The following VPS8 variants were observed in gnomAD, a reference collection of about 807,000 sequenced individuals.
VPS8 encodes the protein vacuolar protein sorting-associated protein 8 homolog.
A neutral mutation model predicts 216.4 loss-of-function variants in VPS8; 129 were observed. That is an observed-to-expected ratio of 0.60 (90% CI 0.52 to 0.69). VPS8 has a LOEUF of 0.69. Ranked by LOEUF, VPS8 falls within the 30% of genes least tolerant of loss-of-function variation. VPS8 has a pLI of 0.00. For synonymous variants in VPS8, 571 were observed against 565.4 expected (o/e 1.01, Z -0.14); for missense variants, 1,531 against 1,683.5 (o/e 0.91, Z 1.59).
intron 21 of VPS8, 194 bp from the exon 22 acceptor site, chr3:184,885,916 C>G: frequency 3.9e-6 from 2 of 518,458 alleles, no homozygotes; most frequent in South Asian, 7.0e-5. Flanking sequence ...GGGTACATTT[C>G]CAGAAATAGA....
chr3:184,815,983 A>G (rs1011339310), intron 1 of VPS8: 1 of 152,198 alleles, frequency 6.6e-6, no homozygotes, highest in Non-Finnish European at 1.5e-5. Flanking sequence ...TTAACTTACA[A>G]GAATTTACCT....
chr3:185,009,822 G>A (rs1427041458), intron 45 of VPS8, among the ~76,000 whole-genome samples: 1 of 152,008 alleles, frequency 6.6e-6, no homozygotes, highest in African/African-American at 2.4e-5. Flanking sequence ...AAGGGGACAG[G>A]GCTCAGAGTC....
chr3:185,025,669 G>A (rs73885642), intron 46 of VPS8, among the ~76,000 whole-genome samples: 6,320 of 152,262 alleles, frequency 0.042, 446 homozygotes, highest in African/African-American at 0.14. Flanking sequence ...ACACTGTAAC[G>A]CAAAGAGCTG....
Position 185,052,106 on chromosome 3 carries a change from G to A in VPS8, c.*81G>A. ...AGAGGCCCCGCCTCTGGTGGGCTTG[G>A]CCTCCACCACCTCCCACGCTTCTGA... On this transcript the variant is annotated 3_prime_UTR_variant, in exon 48 of 48. Coordinates refer to ENST00000625842, the MANE Select transcript of VPS8 (RefSeq NM_001009921.3). The A allele has an allele frequency of 6.9e-7, 1 of 1,458,458 alleles. No individual in the cohort carries two copies. The highest frequency in any genetic ancestry group is 9.1e-7 in the Non-Finnish European group (1 of 1,099,604). The allele number at this position is 1,458,458 out of a possible 1,614,324, so 90.3% of individuals were successfully genotyped here.
chr3:184,884,285 A>G (rs1730805009), intron 21 of VPS8, among the ~76,000 whole-genome samples: 1 of 150,666 alleles, frequency 6.6e-6, no homozygotes, highest in South Asian at 2.1e-4. Context: ...AAGTGTTCTC[A>G]TTGTTCAGTT....
chr3:185,006,547 C>T (rs2132238), intron 45 of VPS8, among the ~76,000 whole-genome samples: 13,584 of 152,234 alleles, frequency 0.089, 647 homozygotes, highest in African/African-American at 0.096. Context: ...ATTGTGTGAA[C>T]CATTCACATT....
chr3:184,923,828 T>C (rs1407345049), intron 29 of VPS8, among the ~76,000 whole-genome samples: 1 of 152,238 alleles, frequency 6.6e-6, no homozygotes, highest in Non-Finnish European at 1.5e-5. Context: ...CTTGTCAGAA[T>C]TTCTGCACGG....
intron 36 of VPS8, among the ~76,000 whole-genome samples, chr3:184,955,832 G>A (rs1361892931): frequency 1.3e-5 from 2 of 151,994 alleles, no homozygotes; most frequent in Admixed American, 1.3e-4. Context: ...GCAATACCAT[G>A]GACTTTACAA....
rs1715549476 is a variant in VPS8, at chr3:184,813,227, A to G, written c.-89+1002A>G. The stretch of plus-strand genomic sequence containing the variant: ...CCCCTCCACTTCTTAGATTCTTGTT[A>G]GAATGAATAGGAAGGCTTCTGGCCT... On this transcript the variant is annotated intron_variant, in intron 1 of 47. Transcript: ENST00000625842. Among the ~76,000 whole-genome samples, 3 of 152,158 alleles carry G rather than the reference A, an allele frequency of 2.0e-5. No individual in the cohort carries two copies. In the South Asian group the frequency reaches 6.2e-4, roughly 31 times the overall value.
intron 1 of VPS8, among the ~76,000 whole-genome samples, chr3:184,814,785 A>AC (rs1478719693): frequency 2.0e-5 from 3 of 152,344 alleles, no homozygotes; most frequent in Non-Finnish European, 4.4e-5. Flanking sequence ...CTTAGGCTAC[A>AC]CTGAATTTAT....
rs1394836199 is a variant in VPS8 at position 184,850,127 on chromosome 3, T to C, written c.753+105T>C. The C allele has an allele frequency of 9.2e-6, 8 of 870,700 alleles. No individual in the cohort carries two copies. In the African/African-American group the frequency reaches 1.2e-4, roughly 13 times the overall value. 53.9% of individuals were successfully genotyped at this position (870,700 alleles called of 1,614,324 possible). A position where few individuals can be genotyped will look rare whatever the true frequency, so the allele number is the denominator to read the frequency against. ...ATGATCAGAGTCCAAAAAATGTATTTAACATGAAGCTGAACATTACCTTAT... is the reference window on the plus strand; with the variant it reads ...ATGATCAGAGTCCAAAAAATGTATTCAACATGAAGCTGAACATTACCTTAT... On this transcript the variant is annotated intron_variant, in intron 10 of 47. Transcript: ENST00000625842.
At chr3:185,039,023 C>T (rs1759278691) in intron 46 of VPS8, among the ~76,000 whole-genome samples, 1 of 152,134 alleles carries the variant, frequency 6.6e-6, no homozygotes, top group African/African-American at 2.4e-5. Context: ...TGAAAAATAC[C>T]AATGTCCTGC....
chr3:184,924,379 C>T (rs192507295), intron 29 of VPS8, among the ~76,000 whole-genome samples: 103 of 152,074 alleles, frequency 6.8e-4, no homozygotes, highest in South Asian at 5.6e-3. Flanking sequence ...TAACCAGGTG[C>T]GGTGGCACAC....
chr3:184,849,719 A>T, intron 9 of VPS8: 2 of 536,524 alleles, frequency 3.7e-6, no homozygotes, highest in Non-Finnish European at 6.5e-6. Context: ...TAAAATCTAA[A>T]GGGAGAAGTA....
At chr3:185,010,143 C>G (rs1367564223) in intron 45 of VPS8, among the ~76,000 whole-genome samples, 1 of 152,118 alleles carries the variant, frequency 6.6e-6, no homozygotes, top group Non-Finnish European at 1.5e-5. Flanking sequence ...AAGTTCTTAG[C>G]CTCAGTAGTG....
chr3:184,870,678 T>C (rs377748628), intron 20 of VPS8, 38 bp from the exon 21 acceptor site: 1 of 1,479,502 alleles, frequency 6.8e-7, no homozygotes, highest in East Asian at 2.4e-5. Context: ...ACTTTAGAGA[T>C]ATATTTTAAT....
chr3:184,843,247 T>A lies in VPS8; in HGVS notation c.541+2T>A. On this transcript the variant is annotated splice_donor_variant, in intron 8 of 47. Transcript: ENST00000625842. LOFTEE classifies it high-confidence loss of function. Reference sequence around the variant, plus strand: ...TCTTCATGGATTCAAAAGGAAAAGGTATAGTAAGTAATTTTAGTTTGCATG... The same window carrying A: ...TCTTCATGGATTCAAAAGGAAAAGGAATAGTAAGTAATTTTAGTTTGCATG... 7.1e-7 allele frequency: 1 copy of A among 1,412,256 alleles called. No homozygotes were observed. Among genetic ancestry groups the A allele is most frequent in the Non-Finnish European group, 9.4e-7 (1 of 1,068,320 alleles). 87.5% of individuals were successfully genotyped at this position (1,412,256 alleles called of 1,614,324 possible).
At chr3:184,867,922 A>G (rs1449531101) in intron 17 of VPS8, 102 bp from the exon 18 acceptor site, 15 of 1,189,138 alleles carry the variant, frequency 1.3e-5, no homozygotes, top group Non-Finnish European at 1.7e-5. Flanking sequence ...GAAATGTTTT[A>G]CTTAAAGGGA....
At chr3:184,858,328 A>G (rs1725663953) in intron 14 of VPS8, among the ~76,000 whole-genome samples, 1 of 152,344 alleles carries the variant, frequency 6.6e-6, no homozygotes, top group Admixed American at 6.5e-5. Flanking sequence ...GTTTGTGGAA[A>G]AATGGAATTA....
Sources: gnomAD v4.1 joint callset for allele counts (sites outside exome capture counted in the v4.1 genomes callset) on GRCh38, gnomAD v4.1.1 for gene constraint, MANE v1.5 for transcripts, NCBI Gene and HGNC (gene_info 2026-07-23, HGNC 2026-07-21) for gene names.